Variants in PPM1B observed in about 807,000 individuals in gnomAD.
The protein encoded by PPM1B is protein phosphatase 1B.
PPM1B carries 22 observed loss-of-function variants against 43.0 expected under a neutral mutation model. The observed-to-expected ratio is 0.51, with a 90% CI of 0.37 to 0.73. The LOEUF (loss-of-function observed/expected upper bound fraction) is 0.73, where lower values mean the gene tolerates loss of function less well. Among genes scored for constraint, PPM1B ranks in the 30% least tolerant of loss-of-function variants. The probability of loss-of-function intolerance (pLI) is 0.00; values close to 1 mark genes in which losing one functional copy is unlikely to be tolerated. For synonymous variants in PPM1B, 217 were observed against 197.9 expected, an observed-to-expected ratio of 1.10 and a Z score of -0.81; for missense variants, 632 against 584.2, an observed-to-expected ratio of 1.08 and a Z score of -0.84.
At chr2:44,237,470 T>C (rs1670650315), downstream of PPM1B, among the ~76,000 whole-genome samples, 1 of 152,212 alleles carries the variant, frequency 6.6e-6, no homozygotes, top group Admixed American at 6.5e-5. Flanking sequence ...GTACACTGTT[T>C]TGTGCTCAGA....
At chr2:44,241,238 G>T (rs1450793923) in intron 5 of PPM1B, among the ~76,000 whole-genome samples, 2 of 141,680 alleles carry the variant, frequency 1.4e-5, no homozygotes, top group African/African-American at 2.5e-5. Flanking sequence ...CCCGACCTCA[G>T]GTGATCCGCC....
chr2:44,198,866 T>G (rs1641154271), intron 1 of PPM1B, among the ~76,000 whole-genome samples: 1 of 152,098 alleles, frequency 6.6e-6, no homozygotes, highest in African/African-American at 2.4e-5. Context: ...TACTAGGGAA[T>G]AAAGGGAGAA....
intron 2 of PPM1B, among the ~76,000 whole-genome samples, chr2:44,207,065 A>G (rs971467191): frequency 1.3e-5 from 2 of 152,214 alleles, no homozygotes; most frequent in African/African-American, 2.4e-5. Context: ...CCGGGAATCT[A>G]ATGAAATACT....
intron 3 of PPM1B, among the ~76,000 whole-genome samples, chr2:44,216,870 A>G (rs1572738666): frequency 6.7e-6 from 1 of 149,340 alleles, no homozygotes; most frequent in East Asian, 2.0e-4. Flanking sequence ...GGTTGCAGTG[A>G]GCTGAGATAG....
chr2:44,197,077 C>T (rs977530433), intron 1 of PPM1B, among the ~76,000 whole-genome samples: 4 of 152,124 alleles, frequency 2.6e-5, no homozygotes, highest in Admixed American at 2.0e-4. Flanking sequence ...AAAGGTAGTA[C>T]AGAGTCTTCC....
chr2:44,178,472 A>ATT (rs1312865423), intron 1 of PPM1B, among the ~76,000 whole-genome samples: 31 of 71,250 alleles, frequency 4.4e-4, no homozygotes, highest in African/African-American at 1.3e-3. Flanking sequence ...ATATATATAT[A>ATT]TATTTTTTTT....
chr2:44,191,093 TA>T (rs777529631), intron 1 of PPM1B, among the ~76,000 whole-genome samples: 15 of 152,368 alleles, frequency 9.8e-5, no homozygotes, highest in Middle Eastern at 3.4e-3. Context: ...TCCCTAGAAG[TA>T]AGTACTATCA....
intron 3 of PPM1B, among the ~76,000 whole-genome samples, chr2:44,214,304 C>T (rs944186735): frequency 1.5e-4 from 23 of 151,976 alleles, no homozygotes; most frequent in African/African-American, 5.5e-4. Context: ...CTCGTGACCT[C>T]GTGATCTGCC....
intron 3 of PPM1B, among the ~76,000 whole-genome samples, chr2:44,213,404 T>A (rs1669574114): frequency 6.6e-6 from 1 of 151,862 alleles, no homozygotes; most frequent in Non-Finnish European, 1.5e-5. Context: ...GTATAATAGT[T>A]CGTTGAATTT....
At chr2:44,222,888 TG>T (rs1670038735) in intron 5 of PPM1B, among the ~76,000 whole-genome samples, 1 of 152,230 alleles carries the variant, frequency 6.6e-6, no homozygotes, top group Non-Finnish European at 1.5e-5. Context: ...TGGAGTGCTA[TG>T]GCACCATCAT....
chr2:44,220,676 T>C (rs1393167442), intron 5 of PPM1B, among the ~76,000 whole-genome samples: 2 of 152,206 alleles, frequency 1.3e-5, no homozygotes, highest in African/African-American at 4.8e-5. Flanking sequence ...TAAACACACC[T>C]TAAATGATCA....
intron 5 of PPM1B, among the ~76,000 whole-genome samples, chr2:44,220,831 A>G (rs1669947296): frequency 6.6e-6 from 1 of 152,242 alleles, no homozygotes; most frequent in Non-Finnish European, 1.5e-5. Context: ...TAGTATTTGA[A>G]GAATGATTTG....
At chr2:44,224,954 A>G (rs947352615) in intron 5 of PPM1B, among the ~76,000 whole-genome samples, 5 of 152,304 alleles carry the variant, frequency 3.3e-5, no homozygotes, top group South Asian at 2.1e-4. Flanking sequence ...TTCCTATGCA[A>G]AAAAGGTCAC....
In PPM1B at chr2:44,201,679, A is replaced by G. The variant is rs1419737328; in HGVS notation, c.480A>G (p.Gly160=). The G allele has an allele frequency of 3.1e-6, 5 of 1,614,070 alleles. No individual in the cohort carries two copies. The highest frequency in any genetic ancestry group is 3.4e-6 in the Non-Finnish European group (4 of 1,180,020). ...CACGTGCTGTTCTGTATAGGAATGG[A>G]CAAGTCTGCTTTTCTACCCAGGATC... is the stretch of plus-strand genomic sequence containing the variant. ...GDSRAVLYRN[G]QVCFSTQDHK... The change falls in exon 2 of 6, where the codon GGA becomes GGG. Residue 160 remains glycine (G), a synonymous_variant. Transcript: ENST00000282412. The surrounding 1 kb of genome is among the most constrained non-coding windows in gnomAD (Gnocchi z 5.4).
At chr2:44,204,858 C>CAAAA (rs368660082) in intron 2 of PPM1B, among the ~76,000 whole-genome samples, 3 of 36,676 alleles carry the variant, frequency 8.2e-5, no homozygotes, top group African/African-American at 1.8e-4. Context: ...GACTCCGTCT[C>CAAAA]AAAAAAAAAA....
At position 44,226,899 on chromosome 2, in the gene PPM1B, C is replaced by T. The variant is rs185708631; in HGVS notation, c.1135-3514C>T. Among the ~76,000 whole-genome samples the T allele has an allele frequency of 6.5e-4, 98 of 150,236 alleles. 2 individuals are homozygous for T. The East Asian group carries it at 0.016, about 24-fold the overall frequency. On this transcript the variant is annotated intron_variant, in intron 5 of 5. Coordinates refer to ENST00000282412, the MANE Select transcript of PPM1B (RefSeq NM_002706.6). ...ATACTTATCACATGTTGTTCCATCT[C>T]AACCCTTCCTGAATAGATTAAAATG...
At chr2:44,209,081 A>T in intron 2 of PPM1B, 129 bp from the exon 3 acceptor site, 1 of 808,994 alleles carries the variant, frequency 1.2e-6, no homozygotes, top group Non-Finnish European at 1.8e-6. Context: ...TCATTGGAAT[A>T]AAAATGAATG....
Position 44,223,843 on chromosome 2 carries a change from AAG to A in PPM1B, c.1134+5320_1134+5321del, listed in dbSNP as rs1462725669. Among the ~76,000 whole-genome samples, 216 of 132,698 alleles carry A rather than the reference AAG, an allele frequency of 1.6e-3. 3 individuals are homozygous for A. Among genetic ancestry groups the A allele is most frequent in the African/African-American group, 5.6e-3 (173 of 31,074 alleles). 87.1% of individuals were successfully genotyped at this position (132,698 alleles called of 152,430 possible). A position where few individuals can be genotyped will look rare whatever the true frequency, so the allele number is the denominator to read the frequency against. ...AAAAAAAAAAAAAAAAAAAAAAAAA[AAG>A]AGAGAGAGAGAGAAAATGCACTAAC... On this transcript the variant is annotated intron_variant, in intron 5 of 5. Coordinates refer to ENST00000282412, the MANE Select transcript of PPM1B (RefSeq NM_002706.6).
rs1668659058 is a variant in PPM1B, at chr2:44,196,297, C to G, written c.-14-4889C>G. On this transcript the variant is annotated intron_variant, in intron 1 of 5. Coordinates refer to ENST00000282412, the MANE Select transcript of PPM1B (RefSeq NM_002706.6). ...ATCGCCTTGAAAATTTTGAGGAGTA[C>G]TGGTCAGATATTTTGTAGGATATCC... Among the ~76,000 whole-genome samples the G allele has an allele frequency of 2.0e-5, 3 of 152,064 alleles. No individual in the cohort carries two copies. In the South Asian group the frequency reaches 6.2e-4, roughly 31 times the overall value.
Sources: allele counts gnomAD v4.1 joint callset (sites outside exome capture counted in the v4.1 genomes callset), GRCh38; gene constraint gnomAD v4.1.1; non-coding constraint Gnocchi (gnomAD v3.1); transcripts MANE v1.5; gene names NCBI Gene and HGNC (gene_info 2026-07-23, HGNC 2026-07-21).